The following DDX39B variants were observed in gnomAD, a reference collection of about 807,000 sequenced individuals.
DDX39B encodes the protein DExD-box helicase 39B.
A neutral mutation model predicts 46.4 loss-of-function variants in DDX39B; 6 were observed. The ratio of observed to expected loss-of-function variants is 0.13; its 90% CI spans 0.07 to 0.26. The LOEUF is 0.26. DDX39B is among the 10% of genes least tolerant of loss of function. The probability of loss-of-function intolerance (pLI) is 1.00; values close to 1 mark genes in which losing one functional copy is unlikely to be tolerated. For synonymous variants in DDX39B, 174 were observed against 199.4 expected (o/e 0.87, Z 1.07); for missense variants, 185 against 553.4 (o/e 0.33, Z 6.68).
intron 1 of DDX39B, chr6:31,541,086 G>A (rs573481612): frequency 1.3e-5 from 7 of 533,206 alleles, no homozygotes; most frequent in Non-Finnish European, 2.7e-5. Flanking sequence ...CACCGTTATG[G>A]ATGCCTAACT....
In DDX39B at chr6:31,530,469, A is replaced by T. The variant is rs1767032541; in HGVS notation, c.1271-19T>A. 6.2e-7 allele frequency: 1 copy of T among 1,605,654 alleles called. No individual in the cohort carries two copies. The highest frequency in any genetic ancestry group is 1.3e-5 in the African/African-American group (1 of 74,496). ...TGTTCAACTGAGAAGAAAACGTAGCATGGTCAGAATAAGGCATGAAAAGGG... is the reference window on the plus strand; with the variant it reads ...TGTTCAACTGAGAAGAAAACGTAGCTTGGTCAGAATAAGGCATGAAAAGGG... On this transcript the variant is annotated intron_variant, in intron 10 of 10. Transcript: ENST00000396172. This position sits in a 1 kb window ranked among gnomAD's most constrained non-coding sequence, Gnocchi z 4.5.
At position 31,531,860 on chromosome 6, in the gene DDX39B, A is replaced by G. The variant is rs191579971; in HGVS notation, c.868-455T>C. The stretch of plus-strand genomic sequence containing the variant: ...GAGATGGGGTCTCACTCTGTCCCCC[A>G]GACTGGAGTGCAGTGGTGCAATCGC... On this transcript the variant is annotated intron_variant, in intron 7 of 10. Transcript: ENST00000396172. This position sits in a 1 kb window ranked among gnomAD's most constrained non-coding sequence, Gnocchi z 5.8. 3.4e-3 allele frequency: 559 copies of G among 163,946 alleles called. 39 individuals are homozygous for G. In the South Asian group the frequency reaches 0.046, roughly 13 times the overall value. The allele number at this position is 163,946 out of a possible 1,614,324, so 10.2% of individuals were successfully genotyped here.
intron 1 of DDX39B, 186 bp from the exon 2 acceptor site, chr6:31,540,850 A>G (rs1768335574): frequency 2.2e-6 from 1 of 460,782 alleles, no homozygotes; most frequent in East Asian, 4.0e-5. Context: ...GAAAGTGGTT[A>G]GGACAGAGGT....
rs796787843 is a variant in DDX39B at position 31,535,233 on chromosome 6, G to C, written c.735+134C>G. On this transcript the variant is annotated intron_variant, in intron 6 of 10. Transcript: ENST00000396172. This position sits in a 1 kb window ranked among gnomAD's most constrained non-coding sequence, Gnocchi z 4.6. ...TCTCTGCTTCTGTATGTCTCTTCAA[G>C]GAGTCATTACTCCCAGTTGGGCACA... 1.2e-6 allele frequency: 1 copy of C among 809,822 alleles called. No individual in the cohort carries two copies. Among genetic ancestry groups the C allele is most frequent in the South Asian group, 1.4e-5 (1 of 70,046 alleles). The allele number at this position is 809,822 out of a possible 1,614,324, so 50.2% of individuals were successfully genotyped here.
intron 1 of DDX39B, chr6:31,541,673 T>C (rs1246358739): frequency 2.0e-6 from 1 of 504,002 alleles, no homozygotes; most frequent in South Asian, 1.5e-5. Context: ...TCATTGATGC[T>C]GAGGCCTCCA....
At position 31,531,343 on chromosome 6, in the gene DDX39B, C is replaced by T; in HGVS notation, c.930G>A (p.Gln310=). The change falls in exon 8 of 11, where the codon CAG becomes CAA. Residue 310 remains glutamine, a synonymous_variant. Transcript: ENST00000396172. The surrounding 1 kb of genome is among the most constrained non-coding windows in gnomAD (Gnocchi z 5.8). ...GGTGGATGGCAATGGCTGGGAAGTT[C>T]TGCTCCACTAGTAGCTGGGCCAAGG... ...CIALAQLLVE[Q]NFPAIAIHRG... 6.2e-7 allele frequency: 1 copy of T among 1,614,146 alleles called. No individual in the cohort carries two copies. Among genetic ancestry groups the T allele is most frequent in the Non-Finnish European group, 8.5e-7 (1 of 1,180,018 alleles).
At position 31,539,289 on chromosome 6, in the gene DDX39B, G is replaced by C; in HGVS notation, c.212-15C>G. ...CTCATGCTGGACTAAAAGTTGGGGG[G>C]GGAGGAAGATAAATTAGACTTCAGT... On this transcript the variant is annotated splice_polypyrimidine_tract_variant and intron_variant, in intron 2 of 10. Coordinates refer to ENST00000396172, the MANE Select transcript of DDX39B (RefSeq NM_004640.7). 3.7e-6 allele frequency: 6 copies of C among 1,606,990 alleles called. No homozygotes were observed. Among genetic ancestry groups the C allele is most frequent in the Non-Finnish European group, 5.1e-6 (6 of 1,175,048 alleles).
In DDX39B at chr6:31,540,494, A is replaced by G; in HGVS notation, c.39T>C (p.Tyr13=). 6.2e-7 allele frequency: 1 copy of G among 1,614,102 alleles called. No individual in the cohort carries two copies. The highest frequency in any genetic ancestry group is 1.6e-4 in the Middle Eastern group (1 of 6,062). ...ENDVDNELLD[Y]EDDEVETAAG... ...CTGCTGTCTCCACCTCATCATCTTC[A>G]TAGTCCAAGAGCTCATTGTCCACAT... The change falls in exon 2 of 11, where the codon TAT becomes TAC. Residue 13 remains tyrosine (Y), a synonymous_variant. Transcript: ENST00000396172.
At position 31,532,897 on chromosome 6, in the gene DDX39B, G is replaced by A. The variant is rs774073722; in HGVS notation, c.750C>T (p.Phe250=). Residue 250 remains phenylalanine (F), a synonymous_variant, in exon 7 of 11, where the codon TTC becomes TTT. Transcript: ENST00000396172. The stretch of plus-strand genomic sequence containing the variant: ...GCGTCAACTTCGTCTCATCATCCAC[G>A]AAGATCTCCATTGGCTGGGGGGGAG... The part of the protein sequence containing the change: ...RKFMQDPMEI[F]VDDETKLTLH... 1.7e-5 allele frequency: 18 copies of A among 1,041,182 alleles called. No homozygotes were observed. The highest frequency in any genetic ancestry group is 2.5e-5 in the Non-Finnish European group (18 of 717,464). 64.5% of individuals were successfully genotyped at this position (1,041,182 alleles called of 1,614,324 possible). A position where few individuals can be genotyped will look rare whatever the true frequency, so the allele number is the denominator to read the frequency against.
chr6:31,534,204 T>C lies in DDX39B; in HGVS notation c.735+1163A>G. 1 of 203,676 alleles carries C rather than the reference T, an allele frequency of 4.9e-6. No homozygotes were observed. The highest frequency in any genetic ancestry group is 2.3e-5 in the African/African-American group (1 of 43,000). 12.6% of individuals were successfully genotyped at this position (203,676 alleles called of 1,614,324 possible). A position where few individuals can be genotyped will look rare whatever the true frequency, so the allele number is the denominator to read the frequency against. ...TGGTAGAGACAAAGTCTCACTACAC[T>C]GCCCCAGCTAGTCTCAAATTCCTGG... On this transcript the variant is annotated intron_variant, in intron 6 of 10. Coordinates refer to ENST00000396172, the MANE Select transcript of DDX39B (RefSeq NM_004640.7). This position sits in a 1 kb window ranked among gnomAD's most constrained non-coding sequence, Gnocchi z 5.1.
In DDX39B at chr6:31,541,970, T is replaced by G. The variant is rs1373254613; in HGVS notation, c.-153A>C. 1 of 674,714 alleles carries G rather than the reference T, an allele frequency of 1.5e-6. No individual in the cohort carries two copies. The highest frequency in any genetic ancestry group is 1.8e-5 in the African/African-American group (1 of 56,622). 41.8% of individuals were successfully genotyped at this position (674,714 alleles called of 1,614,324 possible). Reference sequence around the variant, plus strand: ...CTTACCTAAACAGGGAGAGCGCGTATGGCGGCAGCAACAGCGACGAAGGAG... The same window carrying G: ...CTTACCTAAACAGGGAGAGCGCGTAGGGCGGCAGCAACAGCGACGAAGGAG... On this transcript the variant is annotated 5_prime_UTR_variant, in exon 1 of 11. Coordinates refer to ENST00000396172, the MANE Select transcript of DDX39B (RefSeq NM_004640.7).
intron 7 of DDX39B, chr6:31,532,386 ACAC>A (rs1767267498): frequency 5.5e-6 from 1 of 183,240 alleles, no homozygotes. Flanking sequence ...CTACAGGCAT[ACAC>A]CACCACACCT....
At chr6:31,541,815 G>A in intron 1 of DDX39B, 135 bp downstream of exon 1, 1 of 660,036 alleles carries the variant, frequency 1.5e-6, no homozygotes, top group South Asian at 1.6e-5. Flanking sequence ...AGGGATGCAA[G>A]CTAAGGAAAT....
chr6:31,532,700 TA>T, intron 7 of DDX39B, 79 bp downstream of exon 7: 1 of 1,543,840 alleles, frequency 6.5e-7, no homozygotes, highest in Non-Finnish European at 8.9e-7. Context: ...ATTTCCTCAA[TA>T]AAAGTGTACT....
intron 5 of DDX39B, 76 bp downstream of exon 5, chr6:31,536,421 GCTC>G: frequency 1.3e-6 from 2 of 1,594,726 alleles, no homozygotes; most frequent in Non-Finnish European, 1.7e-6. Flanking sequence ...GCACTGAGGT[GCTC>G]CTGTTTCAAA....
chr6:31,536,746 T>C (rs750255910), intron 4 of DDX39B, 63 bp from the exon 5 acceptor site: 99 of 1,567,076 alleles, frequency 6.3e-5, no homozygotes, highest in Non-Finnish European at 8.2e-5. Context: ...CCCCCCAGGG[T>C]TCCCACTCTG....
intron 3 of DDX39B, 47 bp downstream of exon 3, chr6:31,539,100 T>C (rs745792250): frequency 5.0e-6 from 8 of 1,613,308 alleles, no homozygotes; most frequent in Non-Finnish European, 6.8e-6. Flanking sequence ...ACCCTTCCCT[T>C]ATAGTCCTAA....
intron 5 of DDX39B, 195 bp downstream of exon 5, chr6:31,536,305 A>G (rs1767775080): frequency 1.2e-6 from 1 of 827,474 alleles, no homozygotes; most frequent in Admixed American, 1.9e-5. Flanking sequence ...AACAAAAATC[A>G]TAGAAAGATG....
In DDX39B at chr6:31,532,579, T is replaced by C. The variant is rs189993400; in HGVS notation, c.867+201A>G. On this transcript the variant is annotated intron_variant, in intron 7 of 10. Transcript: ENST00000396172. ...TTGAAGTTTATTTTCCTTGAGGTTATTGAGGACATACCCGTGCCAGCCATA... is the reference window on the plus strand; with the variant it reads ...TTGAAGTTTATTTTCCTTGAGGTTACTGAGGACATACCCGTGCCAGCCATA... 706 of 588,644 alleles carry C rather than the reference T, an allele frequency of 1.2e-3. 2 individuals carry two copies. Among genetic ancestry groups the C allele is most frequent in the Non-Finnish European group, 5.0e-4 (174 of 348,394 alleles). The allele number at this position is 588,644 out of a possible 1,614,324, so 36.5% of individuals were successfully genotyped here. A position where few individuals can be genotyped will look rare whatever the true frequency, so the allele number is the denominator to read the frequency against.
Sources: allele counts gnomAD v4.1 joint callset, GRCh38; gene constraint gnomAD v4.1.1; non-coding constraint Gnocchi (gnomAD v3.1); transcripts MANE v1.5; gene names NCBI Gene and HGNC (gene_info 2026-07-23, HGNC 2026-07-21).